MBD5: variants seen among roughly 807,000 people sequenced by gnomAD.
The protein encoded by MBD5 is methyl-CpG-binding domain protein 5.
In MBD5, 13 loss-of-function variants were observed where a neutral mutation model predicts 117.3. That is an observed-to-expected ratio of 0.11 (90% CI 0.07 to 0.18). The LOEUF (loss-of-function observed/expected upper bound fraction) is 0.18. Among genes scored for constraint, MBD5 ranks in the 10% least tolerant of loss-of-function variants. MBD5 has a pLI of 1.00. For missense variants in MBD5, 1,879 were observed against 2,093.8 expected (o/e 0.90, Z 2.00); for synonymous variants, 727 against 766.4 (o/e 0.95, Z 0.85).
chr2:148,494,143 T>G (rs181860760), intron 11 of MBD5, among the ~76,000 whole-genome samples: 1 of 152,338 alleles, frequency 6.6e-6, no homozygotes, highest in African/African-American at 2.4e-5. Flanking sequence ...ATTCCACCAT[T>G]ATGGAATTGT....
intron 1 of MBD5, among the ~76,000 whole-genome samples, chr2:148,067,481 G>A (rs2105049030): frequency 6.6e-6 from 1 of 152,132 alleles, no homozygotes; most frequent in African/African-American, 2.4e-5. Flanking sequence ...AAGCTGAAGA[G>A]GTAAATCTGT....
chr2:148,084,884 C>G (rs1254228059), intron 1 of MBD5, among the ~76,000 whole-genome samples: 3 of 152,096 alleles, frequency 2.0e-5, no homozygotes, highest in Non-Finnish European at 4.4e-5. Context: ...TCCTTGTTGC[C>G]ATCATTTTTT....
rs140377819 is a variant in MBD5 at position 148,251,438 on chromosome 2, C to T, written c.-680+18043C>T. 1.5e-3 allele frequency among the ~76,000 whole-genome samples: 221 copies of T among 152,156 alleles called. 3 individuals carry two copies. In the East Asian group the frequency reaches 0.032, roughly 22 times the overall value. On this transcript the variant is annotated intron_variant, in intron 3 of 13. Coordinates refer to ENST00000642680, the MANE Select transcript of MBD5 (RefSeq NM_001378120.1). Reference sequence around the variant, plus strand: ...ATCATCAAAATACAACATGATTGGTCTTCATTTTCATAATTTTGTTTTACA... The same window carrying T: ...ATCATCAAAATACAACATGATTGGTTTTCATTTTCATAATTTTGTTTTACA...
chr2:148,411,512 CTTTTTTTTT>C (rs1188326755), intron 4 of MBD5, among the ~76,000 whole-genome samples: 1 of 97,450 alleles, frequency 1.0e-5, no homozygotes, highest in Non-Finnish European at 1.9e-5. Context: ...AGCATCTGTT[CTTTTTTTTT>C]TTTTTTTTTT....
Position 148,489,378 on chromosome 2 carries a change from T to C in MBD5, c.3754-8T>C. On this transcript the variant is annotated splice_region_variant and splice_polypyrimidine_tract_variant and intron_variant, in intron 10 of 13. Coordinates refer to ENST00000642680, the MANE Select transcript of MBD5 (RefSeq NM_001378120.1). The stretch of plus-strand genomic sequence containing the variant: ...TTTCTCTCACTGCTTCCTGTCTATT[T>C]CTTCAAGGTGAGAATGCAGGAAGAT... 6.2e-7 allele frequency: 1 copy of C among 1,614,120 alleles called. No homozygotes were observed.
chr2:148,169,338 G>A (rs989250259), intron 1 of MBD5, among the ~76,000 whole-genome samples: 2 of 152,124 alleles, frequency 1.3e-5, no homozygotes, highest in African/African-American at 2.4e-5. Flanking sequence ...AGTAATGGAT[G>A]AGCTGCCAGC....
Position 148,469,026 on chromosome 2 carries a change from T to G in MBD5, c.1083T>G (p.Leu361=). ...LTSEKDPLGI[L]DPIPSKPVNQ... is the part of the protein sequence containing the mutation. Reference sequence around the variant, plus strand: ...CTGAGAAAGATCCACTTGGCATTCTTGACCCTATTCCTAGTAAACCAGTGA... The same window carrying G: ...CTGAGAAAGATCCACTTGGCATTCTGGACCCTATTCCTAGTAAACCAGTGA... Residue 361 remains leucine (L), a synonymous_variant, in exon 8 of 14, where the codon CTT becomes CTG. Coordinates refer to ENST00000642680, the MANE Select transcript of MBD5 (RefSeq NM_001378120.1). 1 of 1,614,056 alleles carries G rather than the reference T, an allele frequency of 6.2e-7. No individual in the cohort carries two copies.
rs748522150 is a variant in MBD5 at position 148,320,592 on chromosome 2, G to A, written c.-679-21622G>A. ...GGTGGTCTCAAACTCCTGGGCTTAA[G>A]CATTCCACCTGCCTTGGCCTCCCAA... On this transcript the variant is annotated intron_variant, in intron 3 of 13. Coordinates refer to ENST00000642680, the MANE Select transcript of MBD5 (RefSeq NM_001378120.1). 2.8e-4 allele frequency among the ~76,000 whole-genome samples: 42 copies of A among 152,278 alleles called. 1 individual carries two copies. Among genetic ancestry groups the A allele is most frequent in the South Asian group, 6.2e-4 (3 of 4,820 alleles).
Position 148,510,128 on chromosome 2 carries a change from C to A in MBD5, c.5105C>A (p.Ser1702Tyr). 1 of 1,606,356 alleles carries A rather than the reference C, an allele frequency of 6.2e-7. No individual in the cohort carries two copies. The highest frequency in any genetic ancestry group is 8.5e-7 in the Non-Finnish European group (1 of 1,173,182). The change falls in exon 13 of 14, where the codon TCT (serine) becomes TAT (tyrosine). Residue 1702 changes from serine (S) to tyrosine (Y), a missense_variant. Coordinates refer to ENST00000642680, the MANE Select transcript of MBD5 (RefSeq NM_001378120.1). ...GCCATGAGTGAACTGGACAAAATGT[C>A]TGGGACTGTAAGTTAATTTATTTTT... ...HEAMSELDKM[S>Y]GTVHQIPQGD...
chr2:148,163,522 A>C (rs11893213), intron 1 of MBD5, among the ~76,000 whole-genome samples: 22 of 152,198 alleles, frequency 1.4e-4, no homozygotes, highest in Non-Finnish European at 2.8e-4. Flanking sequence ...TTCAAGCGAC[A>C]ATCCTACCTC....
At chr2:148,059,118 C>T (rs2105810832) in intron 1 of MBD5, among the ~76,000 whole-genome samples, 1 of 152,212 alleles carries the variant, frequency 6.6e-6, no homozygotes, top group African/African-American at 2.4e-5. Flanking sequence ...AGAACACTGA[C>T]AAGAACTTTG....
chr2:148,357,367 C>CTGAATT (rs1265777873), intron 4 of MBD5, among the ~76,000 whole-genome samples: 1 of 152,142 alleles, frequency 6.6e-6, no homozygotes, highest in African/African-American at 2.4e-5. Flanking sequence ...AATCTTCCCT[C>CTGAATT]TGAATTTGGA....
intron 4 of MBD5, among the ~76,000 whole-genome samples, chr2:148,417,399 A>G (rs1481930478): frequency 2.8e-5 from 4 of 144,594 alleles, no homozygotes; most frequent in Non-Finnish European, 4.5e-5. Flanking sequence ...TTGGCCTCCC[A>G]TAGTGCTGGG....
intron 1 of MBD5, among the ~76,000 whole-genome samples, chr2:148,148,215 C>A (rs910957810): frequency 5.3e-5 from 8 of 152,096 alleles, no homozygotes; most frequent in Non-Finnish European, 1.0e-4. Context: ...CCAGATAGGT[C>A]AAATGGTGAC....
intron 1 of MBD5, among the ~76,000 whole-genome samples, chr2:148,073,145 G>A (rs187101618): frequency 3.3e-5 from 5 of 151,998 alleles, no homozygotes; most frequent in East Asian, 1.9e-4. Flanking sequence ...TGAGTTTCTC[G>A]CTGTGATGTT....
At chr2:148,029,177 TA>T (rs1693975258) in intron 1 of MBD5, among the ~76,000 whole-genome samples, 1 of 152,134 alleles carries the variant, frequency 6.6e-6, no homozygotes, top group African/African-American at 2.4e-5. Context: ...ATACTTTTTT[TA>T]AAATTTAGGT....
chr2:148,026,588 A>G (rs2105554072), intron 1 of MBD5: 1 of 152,256 alleles, frequency 6.6e-6, no homozygotes, highest in South Asian at 2.1e-4. Flanking sequence ...CGAACTATGC[A>G]ATCCAGCCTA....
At chr2:148,191,085 A>T (rs1402203812) in intron 2 of MBD5, among the ~76,000 whole-genome samples, 1 of 126,494 alleles carries the variant, frequency 7.9e-6, no homozygotes, top group African/African-American at 3.0e-5. Flanking sequence ...CACCCAATAC[A>T]GGAGCACCCA....
intron 1 of MBD5, among the ~76,000 whole-genome samples, chr2:148,095,290 A>AT (rs1017264371): frequency 3.3e-5 from 5 of 152,110 alleles, no homozygotes; most frequent in Admixed American, 6.5e-5. Flanking sequence ...GAAAGTGAAC[A>AT]TTTTTCCCTT....
Sources: allele counts gnomAD v4.1 joint callset (sites outside exome capture counted in the v4.1 genomes callset), GRCh38; gene constraint gnomAD v4.1.1; transcripts MANE v1.5; gene names NCBI Gene and HGNC (gene_info 2026-07-23, HGNC 2026-07-21).